The following DEGS2 variants were observed in gnomAD, a reference collection of about 807,000 sequenced individuals.
DEGS2 encodes the protein delta 4-desaturase, sphingolipid 2.
In DEGS2, 19 loss-of-function variants were observed where a neutral mutation model predicts 23.8. That is an observed-to-expected ratio of 0.80 (90% CI 0.56 to 1.17). DEGS2 has a LOEUF of 1.17. DEGS2 is among the 50% of genes most tolerant of loss of function. The pLI, the probability that DEGS2 is intolerant of heterozygous loss-of-function variation, is 0.00. For synonymous variants in DEGS2, 218 were observed against 213.7 expected, an observed-to-expected ratio of 1.02 and a Z score of -0.18; for missense variants, 390 against 459.5, an observed-to-expected ratio of 0.85 and a Z score of 1.38.
At chr14:100,154,371 A>G (rs1595278297) in intron 1 of DEGS2, among the ~76,000 whole-genome samples, 1 of 142,774 alleles carries the variant, frequency 7.0e-6, no homozygotes, top group Non-Finnish European at 1.5e-5. Flanking sequence ...AAAAAAAAAA[A>G]AGAAAGAAAA....
At chr14:100,165,580 C>A in the DEGS2 span, among the ~76,000 whole-genome samples, 1 of 152,218 alleles carries the variant, frequency 6.6e-6, no homozygotes, top group Non-Finnish European at 1.5e-5. Flanking sequence ...TTCCACCGGG[C>A]GGCCGCGGAC....
chr14:100,163,030 AC>A (rs1889767787), upstream of DEGS2, among the ~76,000 whole-genome samples: 1 of 152,212 alleles, frequency 6.6e-6, no homozygotes, highest in Non-Finnish European at 1.5e-5. Flanking sequence ...AGGGCAACCG[AC>A]CCAAGAAGGA....
At chr14:100,158,773 C>T (rs1566743695) in intron 1 of DEGS2, among the ~76,000 whole-genome samples, 1 of 152,134 alleles carries the variant, frequency 6.6e-6, no homozygotes, top group South Asian at 2.1e-4. Context: ...CCTTTAACCC[C>T]GTAAGCCCGG....
chr14:100,158,967 T>C (rs1465387187), intron 1 of DEGS2, among the ~76,000 whole-genome samples: 1 of 152,216 alleles, frequency 6.6e-6, no homozygotes, highest in Non-Finnish European at 1.5e-5. Context: ...AATCTTTGCT[T>C]TTTTCAAAGA....
upstream of DEGS2, chr14:100,159,869 G>C: frequency 4.0e-6 from 1 of 247,512 alleles, no homozygotes; most frequent in Non-Finnish European, 7.7e-6. Context: ...TGCCATCTGC[G>C]CGAGTCCCTG....
At position 100,144,856 on chromosome 14, in the gene DEGS2, C is replaced by T. The variant is rs1353641707; in HGVS notation, c.*1905G>A. 1 of 152,250 alleles carries T rather than the reference C, an allele frequency of 6.6e-6. No individual in the cohort carries two copies. The highest frequency in any genetic ancestry group is 1.5e-5 in the Non-Finnish European group (1 of 68,048). 9.4% of individuals were successfully genotyped at this position (152,250 alleles called of 1,614,324 possible). On this transcript the variant is annotated 3_prime_UTR_variant, in exon 3 of 3. Transcript: ENST00000305631. Reference sequence around the variant, plus strand: ...CAAGGGCCATGGCAGGGGAGGGAGCCGGCACTGCCTGCTGGGACCCAGTGG... The same window carrying T: ...CAAGGGCCATGGCAGGGGAGGGAGCTGGCACTGCCTGCTGGGACCCAGTGG...
intron 2 of DEGS2, among the ~76,000 whole-genome samples, chr14:100,147,793 T>C (rs897675250): frequency 6.6e-6 from 1 of 152,018 alleles, no homozygotes; most frequent in African/African-American, 2.4e-5. Flanking sequence ...CCTCTCACTT[T>C]GCTCAGGAAA....
intron 2 of DEGS2, among the ~76,000 whole-genome samples, chr14:100,147,244 C>G (rs1262236907): frequency 6.6e-6 from 1 of 152,178 alleles, no homozygotes; most frequent in Non-Finnish European, 1.5e-5. Context: ...GAGGCACCCA[C>G]GGGCTCAGCT....
chr14:100,161,563 G>A (rs527541008), upstream of DEGS2, among the ~76,000 whole-genome samples: 39 of 152,286 alleles, frequency 2.6e-4, no homozygotes, highest in African/African-American at 9.4e-4. Context: ...TCTTGAATGG[G>A]ATCCTGGAGC....
rs1889374195 is a variant in DEGS2, at chr14:100,144,038, A to G, written c.*2723T>C. The G allele has an allele frequency of 2.3e-6, 1 of 435,928 alleles. No individual in the cohort carries two copies. The highest frequency in any genetic ancestry group is 4.1e-6 in the Non-Finnish European group (1 of 243,590). The allele number at this position is 435,928 out of a possible 1,614,324, so 27.0% of individuals were successfully genotyped here. A position where few individuals can be genotyped will look rare whatever the true frequency, so the allele number is the denominator to read the frequency against. On this transcript the variant is annotated 3_prime_UTR_variant, in exon 3 of 3. Transcript: ENST00000305631. ...GAGACGCCCCTAAGTCACCTGCTTCATTAGACGGTTTCCAGGTTTTCTCCC... is the reference window on the plus strand; with the variant it reads ...GAGACGCCCCTAAGTCACCTGCTTCGTTAGACGGTTTCCAGGTTTTCTCCC...
upstream of DEGS2, chr14:100,159,759 G>A (rs1427085741): frequency 2.9e-6 from 1 of 346,908 alleles, no homozygotes; most frequent in Non-Finnish European, 5.1e-6. Flanking sequence ...GGGCGGCCGG[G>A]CCCCGGCGCT....
At chr14:100,165,141 A>G in the DEGS2 span, among the ~76,000 whole-genome samples, 1 of 152,080 alleles carries the variant, frequency 6.6e-6, no homozygotes, top group African/African-American at 2.4e-5. Flanking sequence ...CTCACAGCCC[A>G]CAGCCCACTA....
chr14:100,166,733 ATCT>A, the DEGS2 span, among the ~76,000 whole-genome samples: 1 of 152,184 alleles, frequency 6.6e-6, no homozygotes. Flanking sequence ...GCAGGACTTT[ATCT>A]GATAAACACC....
At position 100,146,311 on chromosome 14, in the gene DEGS2, G is replaced by A. The variant is rs767993764; in HGVS notation, c.*450C>T. The A allele has an allele frequency of 1.5e-4, 26 of 171,034 alleles. No homozygotes were observed. Among genetic ancestry groups the A allele is most frequent in the Non-Finnish European group, 2.9e-4 (23 of 80,700 alleles). 10.6% of individuals were successfully genotyped at this position (171,034 alleles called of 1,614,324 possible). A position where few individuals can be genotyped will look rare whatever the true frequency, so the allele number is the denominator to read the frequency against. ...GGCAGGACCTGGGCCTGGCCTGGAC[G>A]AAGCGGCACTCAGGCCTCAAGCTCC... On this transcript the variant is annotated 3_prime_UTR_variant, in exon 3 of 3. Transcript: ENST00000305631.
At chr14:100,150,436 C>G (rs2140421505) in intron 1 of DEGS2, among the ~76,000 whole-genome samples, 1 of 148,514 alleles carries the variant, frequency 6.7e-6, no homozygotes, top group African/African-American at 2.5e-5. Context: ...CGCTGCTTCC[C>G]CTTGGAAAGA....
upstream of DEGS2, among the ~76,000 whole-genome samples, chr14:100,162,295 G>A (rs761756994): frequency 3.3e-5 from 5 of 152,038 alleles, no homozygotes; most frequent in Admixed American, 6.6e-5. Flanking sequence ...GCAGTGAGCC[G>A]AGTTTGCGCC....
At position 100,144,097 on chromosome 14, in the gene DEGS2, C is replaced by T. The variant is rs773148077; in HGVS notation, c.*2664G>A. ...CTGTTAGCGCCTCAGCTGGCGGTGA[C>T]AGCCGGCCCAGCGTGGCGCCACCAC... is the stretch of plus-strand genomic sequence containing the variant. On this transcript the variant is annotated 3_prime_UTR_variant, in exon 3 of 3. Coordinates refer to ENST00000305631, the MANE Select transcript of DEGS2 (RefSeq NM_206918.3). 42 of 336,352 alleles carry T rather than the reference C, an allele frequency of 1.2e-4. No individual in the cohort carries two copies. Among genetic ancestry groups the T allele is most frequent in the Non-Finnish European group, 1.9e-4 (35 of 180,608 alleles). The allele number at this position is 336,352 out of a possible 1,614,324, so 20.8% of individuals were successfully genotyped here. A position where few individuals can be genotyped will look rare whatever the true frequency, so the allele number is the denominator to read the frequency against.
At chr14:100,147,067 A>G (rs971227318) in intron 2 of DEGS2, among the ~76,000 whole-genome samples, 160 bp from the exon 3 acceptor site, 3 of 152,190 alleles carry the variant, frequency 2.0e-5, no homozygotes, top group African/African-American at 2.4e-5. Flanking sequence ...ATGGGTGTAC[A>G]TAATGCAAAC....
In DEGS2 at chr14:100,159,142, G is replaced by A. The variant is rs568170837; in HGVS notation, c.82+364C>T. Among the ~76,000 whole-genome samples the A allele has an allele frequency of 8.8e-4, 134 of 152,256 alleles. No individual in the cohort carries two copies. In the Middle Eastern group the frequency reaches 0.01, roughly 12 times the overall value. ...CGTCGCGCAAGCTGCCTCCGCGCCA[G>A]GGAGCGCGTGCGCCTCGTAGCGCGT... On this transcript the variant is annotated intron_variant, in intron 1 of 2. Transcript: ENST00000305631.
Sources: allele counts gnomAD v4.1 joint callset (sites outside exome capture counted in the v4.1 genomes callset), GRCh38; gene constraint gnomAD v4.1.1; transcripts MANE v1.5; gene names NCBI Gene and HGNC (gene_info 2026-07-23, HGNC 2026-07-21).